The following DRC1 variants were observed in gnomAD, a reference collection of about 807,000 sequenced individuals.
DRC1 encodes dynein regulatory complex protein 1.
Under a neutral mutation model 98.7 loss-of-function variants are expected in DRC1, and 74 were observed. The observed-to-expected ratio is 0.75, with a 90% confidence interval of 0.62 to 0.91. The LOEUF (loss-of-function observed/expected upper bound fraction) is 0.91, where lower values mean the gene tolerates loss of function less well. DRC1 is among the 40% of genes least tolerant of loss of function. DRC1 has a pLI of 0.00. For missense variants in DRC1, 875 were observed against 886.0 expected, an observed-to-expected ratio of 0.99 and a Z score of 0.16; for synonymous variants, 336 against 334.1, an observed-to-expected ratio of 1.01 and a Z score of -0.06.
intron 1 of DRC1, among the ~76,000 whole-genome samples, chr2:26,402,388 TA>T (rs1678275057): frequency 6.6e-6 from 1 of 152,188 alleles, no homozygotes; most frequent in Admixed American, 6.5e-5. Context: ...CCCATCTCTA[TA>T]AAACATCAAA....
At chr2:26,440,343 GTGTA>G (rs748730164) in intron 7 of DRC1, 31 bp from the exon 8 acceptor site, 221 of 1,499,366 alleles carry the variant, frequency 1.5e-4, no homozygotes, top group African/African-American at 5.9e-4. Flanking sequence ...GTGTGTGTGT[GTGTA>G]TATATATATA....
intron 1 of DRC1, among the ~76,000 whole-genome samples, chr2:26,407,983 C>G (rs1678479263): frequency 6.6e-6 from 1 of 152,180 alleles, no homozygotes; most frequent in African/African-American, 2.4e-5. Context: ...CGTTTCCTAC[C>G]TCCTCACCTA....
chr2:26,446,504 T>C lies in DRC1; in HGVS notation c.1396+1556T>C, dbSNP rs577610966. Among the ~76,000 whole-genome samples, 3 of 152,278 alleles carry C rather than the reference T, an allele frequency of 2.0e-5. No homozygotes were observed. In the South Asian group the frequency reaches 6.2e-4, roughly 32 times the overall value. ...AGAGTATAGGATTTCTTTTTTTTGG[T>C]AATAAAATAAATCATGAGTTCATTC... is the stretch of plus-strand genomic sequence containing the variant. On this transcript the variant is annotated intron_variant, in intron 10 of 16. Coordinates refer to ENST00000288710, the MANE Select transcript of DRC1 (RefSeq NM_145038.5).
At chr2:26,424,490 G>C (rs767243100) in intron 4 of DRC1, 36 bp downstream of exon 4, 1 of 1,577,530 alleles carries the variant, frequency 6.3e-7, no homozygotes, top group East Asian at 2.3e-5. Flanking sequence ...AGCCACAGGG[G>C]ATCTGCCTGG....
intron 7 of DRC1, among the ~76,000 whole-genome samples, chr2:26,439,828 A>G (rs1281113039): frequency 2.0e-5 from 3 of 150,306 alleles, no homozygotes; most frequent in African/African-American, 4.9e-5. Context: ...TACATTTTCT[A>G]AAAATGCAGG....
chr2:26,436,823 C>G (rs983877220), intron 7 of DRC1, among the ~76,000 whole-genome samples: 14 of 152,188 alleles, frequency 9.2e-5, no homozygotes, highest in Non-Finnish European at 1.5e-4. Context: ...TCCTGGAAAT[C>G]ATCGGAGTAG....
intron 7 of DRC1, among the ~76,000 whole-genome samples, chr2:26,435,483 G>A (rs1376457958): frequency 6.6e-6 from 1 of 152,154 alleles, no homozygotes; most frequent in African/African-American, 2.4e-5. Flanking sequence ...TAAACTGCAC[G>A]TCATAGGGGT....
intron 2 of DRC1, among the ~76,000 whole-genome samples, chr2:26,418,672 TAA>T (rs1266505893): frequency 3.5e-5 from 3 of 84,550 alleles, no homozygotes; most frequent in African/African-American, 1.6e-4. Context: ...TTATATAAAT[TAA>T]ATATAATTTA....
Position 26,424,257 on chromosome 2 carries a change from G to A in DRC1, c.357-14G>A, listed in dbSNP as rs1275997221. 6.2e-7 allele frequency: 1 copy of A among 1,613,598 alleles called. No homozygotes were observed. The highest frequency in any genetic ancestry group is 1.3e-5 in the African/African-American group (1 of 74,856). On this transcript the variant is annotated splice_polypyrimidine_tract_variant and intron_variant, in intron 3 of 16. Coordinates refer to ENST00000288710, the MANE Select transcript of DRC1 (RefSeq NM_145038.5). ...GGAGCTGGGTTGGCATGGCTGGCATGTATGTATTTGCAGGATTGAGAAGCT... is the reference window on the plus strand; with the variant it reads ...GGAGCTGGGTTGGCATGGCTGGCATATATGTATTTGCAGGATTGAGAAGCT...
intron 4 of DRC1, among the ~76,000 whole-genome samples, chr2:26,428,987 C>T (rs925933750): frequency 6.6e-6 from 1 of 152,072 alleles, no homozygotes; most frequent in Non-Finnish European, 1.5e-5. Flanking sequence ...GGAACCTGGA[C>T]ATTAATTGCT....
intron 8 of DRC1, among the ~76,000 whole-genome samples, chr2:26,441,395 G>A (rs1164394403): frequency 6.6e-6 from 1 of 152,172 alleles, no homozygotes; most frequent in Non-Finnish European, 1.5e-5. Context: ...TACAGAAAAT[G>A]ATACTGAATA....
At chr2:26,424,012 G>A (rs925424068) in intron 3 of DRC1, among the ~76,000 whole-genome samples, 3 of 152,128 alleles carry the variant, frequency 2.0e-5, no homozygotes, top group African/African-American at 4.8e-5. Flanking sequence ...GTGTGCACGC[G>A]TGTGTATGTG....
At chr2:26,438,087 CAAAAAAA>C (rs61571007) in intron 7 of DRC1, among the ~76,000 whole-genome samples, 15 of 50,112 alleles carry the variant, frequency 3.0e-4, no homozygotes, top group Non-Finnish European at 6.8e-4. Context: ...GACTCTATCT[CAAAAAAA>C]AAAAAAAAAA....
chr2:26,432,467 C>T (rs1663459952), intron 7 of DRC1, among the ~76,000 whole-genome samples: 1 of 150,632 alleles, frequency 6.6e-6, no homozygotes, highest in South Asian at 2.1e-4. Flanking sequence ...CCACTGCACT[C>T]CAGCCTGAGC....
In DRC1 at chr2:26,434,700, G is replaced by T. The variant is rs1380651726; in HGVS notation, c.888+2694G>T. ...AGGTCGGGAGATCGAGATCATCCTG[G>T]CTAACATGGTGAAACCACGTCTCTA... On this transcript the variant is annotated intron_variant, in intron 7 of 16. Coordinates refer to ENST00000288710, the MANE Select transcript of DRC1 (RefSeq NM_145038.5). 2.6e-5 allele frequency among the ~76,000 whole-genome samples: 4 copies of T among 152,088 alleles called. No individual in the cohort carries two copies. The South Asian group carries it at 8.3e-4, about 32-fold the overall frequency.
chr2:26,412,852 G>A (rs1572353797), intron 1 of DRC1, among the ~76,000 whole-genome samples: 1 of 151,920 alleles, frequency 6.6e-6, no homozygotes, highest in Non-Finnish European at 1.5e-5. Context: ...ATCTCGGCTC[G>A]GCTCACTGCA....
chr2:26,432,625 G>A (rs1328581751), intron 7 of DRC1, among the ~76,000 whole-genome samples: 2 of 151,804 alleles, frequency 1.3e-5, no homozygotes, highest in Admixed American at 6.6e-5. Context: ...AAGAGAAAGA[G>A]AAAGAAAAAC....
intron 1 of DRC1, among the ~76,000 whole-genome samples, chr2:26,403,753 C>T (rs1420166359): frequency 6.8e-6 from 1 of 146,322 alleles, no homozygotes; most frequent in Non-Finnish European, 1.5e-5. Context: ...TGAGATAGCG[C>T]CACTGCACTC....
intron 7 of DRC1, among the ~76,000 whole-genome samples, chr2:26,433,719 T>G (rs1346759218): frequency 6.6e-6 from 1 of 151,972 alleles, no homozygotes; most frequent in Non-Finnish European, 1.5e-5. Context: ...GGAGGTAGGG[T>G]AAGATCAGAG....
Sources: gnomAD v4.1 joint callset for allele counts (sites outside exome capture counted in the v4.1 genomes callset) on GRCh38, gnomAD v4.1.1 for gene constraint, MANE v1.5 for transcripts, NCBI Gene and HGNC (gene_info 2026-07-23, HGNC 2026-07-21) for gene names.